The following SMG6 variants were observed in gnomAD, a reference collection of about 807,000 sequenced individuals.
SMG6 encodes telomerase-binding protein EST1A.
SMG6 carries 66 observed loss-of-function variants against 142.2 expected under a neutral mutation model. The observed-to-expected ratio is 0.46, with a 90% CI of 0.38 to 0.57. The LOEUF (loss-of-function observed/expected upper bound fraction) is 0.57, where lower values mean the gene tolerates loss of function less well. Among genes scored for constraint, SMG6 ranks in the 20% least tolerant of loss-of-function variants. The pLI is 0.00. For missense variants in SMG6, 1,793 were observed against 1,832.0 expected, an observed-to-expected ratio of 0.98 and a Z score of 0.39; for synonymous variants, 779 against 702.4, an observed-to-expected ratio of 1.11 and a Z score of -1.72.
At chr17:2,064,346 T>A (rs1268077886) in intron 18 of SMG6, among the ~76,000 whole-genome samples, 1 of 151,990 alleles carries the variant, frequency 6.6e-6, no homozygotes, top group Non-Finnish European at 1.5e-5. Context: ...GGGTGAGGCA[T>A]GAAGGCCAGC....
intron 8 of SMG6, among the ~76,000 whole-genome samples, chr17:2,266,827 C>CT (rs1311079153): frequency 6.6e-6 from 1 of 152,220 alleles, no homozygotes; most frequent in East Asian, 1.9e-4. Flanking sequence ...ATTAGCCTTA[C>CT]AGTCCAGCAG....
chr17:2,232,153 T>C (rs1160219494), intron 10 of SMG6, among the ~76,000 whole-genome samples: 8 of 151,654 alleles, frequency 5.3e-5, no homozygotes, highest in Non-Finnish European at 1.2e-4. Context: ...GGGGATGCAA[T>C]GGGGTTTCAG....
At chr17:2,195,548 C>T (rs1236047649) in intron 10 of SMG6, among the ~76,000 whole-genome samples, 1 of 152,184 alleles carries the variant, frequency 6.6e-6, no homozygotes, top group Non-Finnish European at 1.5e-5. Context: ...GAAATCAGCA[C>T]CATAGAGAGG....
At position 2,236,549 on chromosome 17, in the gene SMG6, G is replaced by A. The variant is rs376512734; in HGVS notation, c.2812C>T (p.Arg938Cys). The change falls in exon 10 of 19, where the codon CGC becomes TGC. Residue 938 changes from arginine to cysteine, a missense_variant. Around this residue, in one of 3 missense-constraint regions of SMG6, gnomAD observed 1,597 missense variants for 1,584.6 expected, o/e 1.01. Coordinates refer to ENST00000263073, the MANE Select transcript of SMG6 (RefSeq NM_017575.5). ...QHSPSPIGST[R>C]MLQLMTINMF... ...TTGATGGTCATAAGCTGCAGCATGC[G>A]GGTACTTCCAATGGGAGAGGGGCTG... 3.4e-5 allele frequency: 55 copies of A among 1,613,404 alleles called. No individual in the cohort carries two copies. Among genetic ancestry groups the A allele is most frequent in the African/African-American group, 5.3e-5 (4 of 74,828 alleles).
At chr17:2,275,786 G>A (rs1456030452) in intron 8 of SMG6, among the ~76,000 whole-genome samples, 1 of 152,206 alleles carries the variant, frequency 6.6e-6, no homozygotes, top group East Asian at 1.9e-4. Context: ...GCAGGTGGAA[G>A]AGTTGAAATG....
In SMG6 at chr17:2,243,123, C is replaced by G. The variant is rs141242640; in HGVS notation, c.2723+1535G>C. On this transcript the variant is annotated intron_variant, in intron 9 of 18. Transcript: ENST00000263073. ...GTTTACTTTGCCTAAGTGAATGTCT[C>G]CACCTGTTATGTCTACAGATAGAGA... is the stretch of plus-strand genomic sequence containing the variant. Among the ~76,000 whole-genome samples the G allele has an allele frequency of 1.2e-4, 18 of 152,172 alleles. No homozygotes were observed. The East Asian group carries it at 3.5e-3, about 29-fold the overall frequency.
intron 8 of SMG6, among the ~76,000 whole-genome samples, chr17:2,252,526 T>G (rs1207901415): frequency 6.6e-6 from 1 of 152,118 alleles, no homozygotes; most frequent in Non-Finnish European, 1.5e-5. Context: ...ATCTTAAGAG[T>G]TGAAAACCTG....
intron 8 of SMG6, among the ~76,000 whole-genome samples, chr17:2,274,499 G>C (rs2074606403): frequency 6.6e-6 from 1 of 152,176 alleles, no homozygotes; most frequent in Admixed American, 6.5e-5. Context: ...AAAGGAGAGA[G>C]AACAAGGTAA....
chr17:2,123,079 G>A (rs1042044085), intron 13 of SMG6, among the ~76,000 whole-genome samples: 2 of 152,128 alleles, frequency 1.3e-5, no homozygotes, highest in African/African-American at 2.4e-5. Flanking sequence ...AGACAATGCT[G>A]CCGCATAACG....
intron 14 of SMG6, among the ~76,000 whole-genome samples, chr17:2,083,128 C>T (rs1320959136): frequency 6.6e-6 from 1 of 152,170 alleles, no homozygotes; most frequent in African/African-American, 2.4e-5. Flanking sequence ...TAATAATAAG[C>T]TAAGCCATCC....
At chr17:2,104,573 G>A (rs1567600984) in intron 13 of SMG6, among the ~76,000 whole-genome samples, 1 of 151,568 alleles carries the variant, frequency 6.6e-6, no homozygotes, top group Non-Finnish European at 1.5e-5. Flanking sequence ...TCAGGGTAGT[G>A]GCAGGTAGAG....
intron 8 of SMG6, among the ~76,000 whole-genome samples, chr17:2,272,811 G>A (rs563249386): frequency 8.5e-5 from 13 of 152,092 alleles, no homozygotes; most frequent in Admixed American, 2.0e-4. Flanking sequence ...GGTGGTGGGC[G>A]CCTGTAGTCC....
rs747954329 is a variant in SMG6 at position 2,075,595 on chromosome 17, G to A, written c.3681+6215C>T. ...AAGAGGCCACGCCTCATGCCTGGAG[G>A]AGCATTTTCAGTGACTGCTTTGCCC... On this transcript the variant is annotated intron_variant, in intron 15 of 18. Transcript: ENST00000263073. Among the ~76,000 whole-genome samples the A allele has an allele frequency of 4.5e-4, 69 of 152,370 alleles. 1 individual carries two copies. The highest frequency in any genetic ancestry group is 2.1e-4 in the Non-Finnish European group (14 of 68,046).
At chr17:2,079,184 G>A (rs565618536) in intron 15 of SMG6, among the ~76,000 whole-genome samples, 45 of 152,250 alleles carry the variant, frequency 3.0e-4, no homozygotes, top group African/African-American at 3.6e-4. Context: ...GGCTGGTCTC[G>A]AACTCCTGAT....
At chr17:2,152,791 C>T (rs1161405940) in intron 13 of SMG6, among the ~76,000 whole-genome samples, 1 of 152,166 alleles carries the variant, frequency 6.6e-6, no homozygotes, top group African/African-American at 2.4e-5. Flanking sequence ...ATACTCTTAT[C>T]ACATAAACCA....
At chr17:2,204,882 C>T (rs1454710251) in intron 10 of SMG6, among the ~76,000 whole-genome samples, 1 of 152,090 alleles carries the variant, frequency 6.6e-6, no homozygotes, top group African/African-American at 2.4e-5. Flanking sequence ...AAGATCGCTT[C>T]AGCCTGGGAG....
chr17:2,239,498 A>G (rs2151293071), intron 9 of SMG6, among the ~76,000 whole-genome samples: 1 of 152,328 alleles, frequency 6.6e-6, no homozygotes, highest in Middle Eastern at 3.4e-3. Flanking sequence ...TTTAAGTTGT[A>G]TTACATTTTT....
chr17:2,285,997 GAGAA>G (rs2074896755), intron 6 of SMG6, among the ~76,000 whole-genome samples: 3 of 151,856 alleles, frequency 2.0e-5, no homozygotes, highest in Admixed American at 6.6e-5. Flanking sequence ...AAAAAATAGA[GAGAA>G]AGACAGAGAA....
chr17:2,274,628 A>C (rs2074609543), intron 8 of SMG6, among the ~76,000 whole-genome samples: 1 of 152,206 alleles, frequency 6.6e-6, no homozygotes, highest in Non-Finnish European at 1.5e-5. Flanking sequence ...GAACCACAAA[A>C]CATTCAAAGA....
Sources: gnomAD v4.1 joint callset for allele counts (sites outside exome capture counted in the v4.1 genomes callset) on GRCh38, gnomAD v4.1.1 for gene constraint, gnomAD v4.1.1 regional missense constraint, MANE v1.5 for transcripts, NCBI Gene and HGNC (gene_info 2026-07-23, HGNC 2026-07-21) for gene names.